ARHGAP6: variants seen among roughly 807,000 people sequenced by gnomAD.
ARHGAP6 encodes the protein Rho GTPase activating protein 6.
ARHGAP6 carries 16 observed loss-of-function variants against 55.7 expected under a neutral mutation model. The observed-to-expected ratio is 0.29, with a 90% CI of 0.19 to 0.44. The LOEUF (loss-of-function observed/expected upper bound fraction) is 0.44. Among genes scored for constraint, ARHGAP6 ranks in the 20% least tolerant of loss-of-function variants. ARHGAP6 has a pLI of 1.00. For missense variants in ARHGAP6, 698 were observed against 808.9 expected (o/e 0.86, Z 1.66); for synonymous variants, 382 against 360.9 (o/e 1.06, Z -0.66).
intron 1 of ARHGAP6, among the ~76,000 whole-genome samples, chrX:11,281,162 C>T (rs1487255721): frequency 1.8e-5 from 2 of 111,574 alleles, no homozygotes; most frequent in African/African-American, 6.5e-5. Flanking sequence ...AGAAGTCTGA[C>T]ATAAAAAATA....
At chrX:11,589,998 T>C (rs940750712) in intron 1 of ARHGAP6, among the ~76,000 whole-genome samples, 1 of 111,388 alleles carries the variant, frequency 9.0e-6, no homozygotes, top group Admixed American at 9.6e-5. Context: ...ACCAGCCCTA[T>C]AGATGAAGAC....
chrX:11,503,884 A>G (rs1352937942), intron 1 of ARHGAP6, among the ~76,000 whole-genome samples: 4 of 110,696 alleles, frequency 3.6e-5, no homozygotes, highest in Non-Finnish European at 5.7e-5. Flanking sequence ...ATACACACAC[A>G]CAAACACATG....
Position 11,421,627 on chromosome X carries a change from GATTA to G in ARHGAP6, c.589-166924_589-166921del, listed in dbSNP as rs1319482241. ...AGGACTGCTCTGAAAACTTGTACTAGATTACCTCAGAGTCAGCTGAGGTGAAGTA... is the reference window on the plus strand; with the variant it reads ...AGGACTGCTCTGAAAACTTGTACTAGCCTCAGAGTCAGCTGAGGTGAAGTA... On this transcript the variant is annotated intron_variant, in intron 1 of 12. Transcript: ENST00000337414. Among the ~76,000 whole-genome samples, 7 of 112,044 alleles carry G rather than the reference GATTA, an allele frequency of 6.2e-5. No homozygotes were observed. In the East Asian group the frequency reaches 2.0e-3, roughly 31 times the overall value.
intron 1 of ARHGAP6, among the ~76,000 whole-genome samples, chrX:11,544,059 C>G (rs1385035639): frequency 2.7e-5 from 3 of 112,181 alleles, no homozygotes; most frequent in Admixed American, 1.9e-4. Context: ...AAGGTATCTT[C>G]ACTCTTAAGG....
intron 1 of ARHGAP6, among the ~76,000 whole-genome samples, chrX:11,554,885 T>C (rs1451623970): frequency 1.8e-5 from 2 of 111,411 alleles, no homozygotes; most frequent in African/African-American, 6.5e-5. Context: ...GACTGAAAAA[T>C]GTGGTGAAGC....
intron 1 of ARHGAP6, among the ~76,000 whole-genome samples, chrX:11,269,629 A>G (rs2047669753): frequency 1.8e-5 from 2 of 111,373 alleles, no homozygotes. Context: ...AAGACTATAT[A>G]TAAAAATGCA....
chrX:11,414,513 A>G (rs1309978435), intron 1 of ARHGAP6, among the ~76,000 whole-genome samples: 1 of 109,308 alleles, frequency 9.1e-6, no homozygotes. Flanking sequence ...GTAATATGGC[A>G]GACAGTCTAC....
intron 2 of ARHGAP6, among the ~76,000 whole-genome samples, chrX:11,217,776 A>G (rs1247710511): frequency 1.9e-4 from 21 of 111,977 alleles, no homozygotes; most frequent in Non-Finnish European, 1.7e-4. Context: ...TTTAGTCATG[A>G]AGTCTTTGCC....
intron 1 of ARHGAP6, among the ~76,000 whole-genome samples, chrX:11,370,056 T>C (rs2049127030): frequency 8.9e-6 from 1 of 112,551 alleles, no homozygotes; most frequent in African/African-American, 3.2e-5. Context: ...CCTCCTTTAG[T>C]TAGCATGCGT....
At chrX:11,521,216 G>C (rs1402292564) in intron 1 of ARHGAP6, among the ~76,000 whole-genome samples, 1 of 111,978 alleles carries the variant, frequency 8.9e-6, no homozygotes, top group Non-Finnish European at 1.9e-5. Flanking sequence ...TGGTGTTTTA[G>C]ACATGAAGTC....
intron 1 of ARHGAP6, among the ~76,000 whole-genome samples, chrX:11,382,072 G>A (rs2049269298): frequency 8.9e-6 from 1 of 111,777 alleles, no homozygotes; most frequent in African/African-American, 3.2e-5. Context: ...TGATTGTAAT[G>A]TTGTTGGTTG....
At chrX:11,661,266 G>A (rs184601370) in intron 1 of ARHGAP6, among the ~76,000 whole-genome samples, 23 of 112,303 alleles carry the variant, frequency 2.0e-4, no homozygotes, top group African/African-American at 7.1e-4. Flanking sequence ...TGAGAAACAC[G>A]TTCCAACTGT....
chrX:11,446,355 G>A (rs2050092055), intron 1 of ARHGAP6, among the ~76,000 whole-genome samples: 1 of 111,215 alleles, frequency 9.0e-6, no homozygotes, highest in African/African-American at 3.3e-5. Flanking sequence ...TCAGTAATTG[G>A]GCTTTAGAAA....
At chrX:11,661,476 A>G (rs2052702567) in intron 1 of ARHGAP6, among the ~76,000 whole-genome samples, 1 of 112,772 alleles carries the variant, frequency 8.9e-6, no homozygotes, top group Non-Finnish European at 1.9e-5. Flanking sequence ...TTGAACGAGC[A>G]CAAGTAACAA....
chrX:11,322,145 A>G (rs1224084430), intron 1 of ARHGAP6, among the ~76,000 whole-genome samples: 3 of 111,917 alleles, frequency 2.7e-5, no homozygotes, highest in Non-Finnish European at 5.6e-5. Context: ...TCATCTCTAC[A>G]GTACAGAGTT....
At chrX:11,444,112 C>T (rs2050068983) in intron 1 of ARHGAP6, among the ~76,000 whole-genome samples, 1 of 111,910 alleles carries the variant, frequency 8.9e-6, no homozygotes, top group South Asian at 3.8e-4. Context: ...CAACATTTCC[C>T]TATAAAGGGC....
chrX:11,571,389 C>A (rs777707454), intron 1 of ARHGAP6, among the ~76,000 whole-genome samples: 1 of 110,886 alleles, frequency 9.0e-6, no homozygotes, highest in Non-Finnish European at 1.9e-5. Flanking sequence ...ATTCACTTAA[C>A]TATAGTAGGT....
intron 1 of ARHGAP6, among the ~76,000 whole-genome samples, chrX:11,259,853 G>A (rs2047535962): frequency 9.0e-6 from 1 of 111,294 alleles, no homozygotes; most frequent in African/African-American, 3.3e-5. Context: ...TAATCAGGTG[G>A]AAGGTGTGGT....
At chrX:11,317,477 C>T (rs1185520370) in intron 1 of ARHGAP6, among the ~76,000 whole-genome samples, 2 of 112,133 alleles carry the variant, frequency 1.8e-5, no homozygotes, top group African/African-American at 6.5e-5. Context: ...AGAGGTGACA[C>T]TTAGAGGGAC....
Sources: allele counts gnomAD v4.1 joint callset (sites outside exome capture counted in the v4.1 genomes callset), GRCh38; gene constraint gnomAD v4.1.1; transcripts MANE v1.5; gene names NCBI Gene and HGNC (gene_info 2026-07-23, HGNC 2026-07-21).